The following PLCH2 variants were observed in gnomAD, a reference collection of about 807,000 sequenced individuals.
PLCH2 encodes 1-phosphatidylinositol 4,5-bisphosphate phosphodiesterase eta-2.
PLCH2 carries 98 observed loss-of-function variants against 134.7 expected under a neutral mutation model. The ratio of observed to expected loss-of-function variants is 0.73; its 90% CI spans 0.62 to 0.86. The LOEUF is 0.86. PLCH2 is among the 40% of genes least tolerant of loss of function. PLCH2 has a pLI of 0.00. For missense variants in PLCH2, 1,994 were observed against 1,986.6 expected, an observed-to-expected ratio of 1.00 and a Z score of -0.07; for synonymous variants, 974 against 827.5, an observed-to-expected ratio of 1.18 and a Z score of -3.04.
intron 1 of PLCH2, among the ~76,000 whole-genome samples, chr1:2,478,042 C>T (rs1454371539): frequency 6.6e-6 from 1 of 152,256 alleles, no homozygotes; most frequent in Non-Finnish European, 1.5e-5. Context: ...TGTCTTGCCT[C>T]GTGCCCGGCC....
Position 2,459,518 on chromosome 1 carries a change from TTCC to T in PLCH2, c.116-18956_116-18954del, listed in dbSNP as rs1640690068. On this transcript the variant is annotated intron_variant, in intron 2 of 3. Transcript: ENST00000609981. ...TGGTCCTCCTTCCTGGTGGTCCTCC[TTCC>T]TGGTGGTCCTCCTTCCTGGTGGTCC... 2.4e-5 allele frequency among the ~76,000 whole-genome samples: 3 copies of T among 127,382 alleles called. 1 individual carries two copies. The highest frequency in any genetic ancestry group is 1.6e-4 in the Admixed American group (2 of 12,522). 83.6% of individuals were successfully genotyped at this position (127,382 alleles called of 152,430 possible). A position where few individuals can be genotyped will look rare whatever the true frequency, so the allele number is the denominator to read the frequency against.
rs754643877 is a variant in PLCH2, at chr1:2,496,932, C to T, written c.2038C>T (p.Arg680Cys). Residue 680 changes from arginine to cysteine, a missense_variant, in exon 15 of 22, where the codon CGC becomes TGC. Physicochemically the swap from Arg to Cys is radical, Grantham distance 180. Around this residue, in one of 2 missense-constraint regions of PLCH2, gnomAD observed 1,094 missense variants for 1,234.3 expected, o/e 0.89. Transcript: ENST00000378486. ...YLRFNQQQLS[R>C]IYPSSYRVDS... ...ACGCTTCAACCAGCAGCAGCTCTCC[C>T]GCATCTACCCCTCCTCCTACCGTGT... is the stretch of plus-strand genomic sequence containing the variant. 7.4e-6 allele frequency: 12 copies of T among 1,613,346 alleles called. No individual in the cohort carries two copies. Among genetic ancestry groups the T allele is most frequent in the South Asian group, 2.2e-5 (2 of 91,086 alleles).
At chr1:2,442,430 C>G (rs1027633140) in intron 2 of PLCH2, among the ~76,000 whole-genome samples, 1 of 152,208 alleles carries the variant, frequency 6.6e-6, no homozygotes, top group Admixed American at 6.5e-5. Context: ...CCCACGCACC[C>G]CTACCCCACC....
intron 4 of PLCH2, among the ~76,000 whole-genome samples, chr1:2,481,132 C>T (rs937194634): frequency 2.0e-5 from 3 of 152,198 alleles, no homozygotes; most frequent in African/African-American, 7.2e-5. Flanking sequence ...AGCCTGACAG[C>T]TCCGCCGTGT....
intron 20 of PLCH2, chr1:2,500,085 CT>C: frequency 3.0e-6 from 1 of 328,548 alleles, no homozygotes; most frequent in South Asian, 4.7e-5. Flanking sequence ...AGTGATGCCC[CT>C]CTCCCCTCTA....
intron 21 of PLCH2, chr1:2,502,777 G>C (rs557449368): frequency 1.4e-6 from 1 of 716,884 alleles, no homozygotes; most frequent in African/African-American, 1.7e-5. Context: ...CAGACAGCCC[G>C]GGCATCCCCG....
chr1:2,458,779 C>T (rs1389958562), intron 2 of PLCH2, among the ~76,000 whole-genome samples: 3 of 152,338 alleles, frequency 2.0e-5, no homozygotes, highest in East Asian at 1.9e-4. Flanking sequence ...GGGATGATCT[C>T]GAGGCCACGT....
At chr1:2,452,047 A>T (rs1640260161) in intron 2 of PLCH2, among the ~76,000 whole-genome samples, 1 of 151,978 alleles carries the variant, frequency 6.6e-6, no homozygotes, top group Non-Finnish European at 1.5e-5. Context: ...CTGGGCCCCG[A>T]GCTTTGGCAG....
upstream of PLCH2, among the ~76,000 whole-genome samples, chr1:2,465,725 C>T (rs1476898803): frequency 6.6e-6 from 1 of 152,358 alleles, no homozygotes; most frequent in African/African-American, 2.4e-5. Context: ...CGCCTTTAAT[C>T]GCAGGCCGCG....
At position 2,476,542 on chromosome 1, in the gene PLCH2, G is replaced by C. The variant is rs545152264; in HGVS notation, c.-47G>C. On this transcript the variant is annotated 5_prime_UTR_variant, in exon 1 of 22. Transcript: ENST00000378486. The stretch of plus-strand genomic sequence containing the variant: ...CCTGACCTCCGCTGCCCGAAGGCCG[G>C]TGGGCCTCTGTGGCCTCCGTGAAGC... The C allele has an allele frequency of 8.0e-4, 1,161 of 1,444,666 alleles. 13 individuals carry two copies. Among genetic ancestry groups the C allele is most frequent in the Non-Finnish European group, 1.3e-4 (145 of 1,102,898 alleles). The allele number at this position is 1,444,666 out of a possible 1,614,324, so 89.5% of individuals were successfully genotyped here.
At chr1:2,425,537 A>T (rs1477787312), upstream of PLCH2, among the ~76,000 whole-genome samples, 2 of 152,208 alleles carry the variant, frequency 1.3e-5, no homozygotes, top group African/African-American at 4.8e-5. Context: ...GGCTTTAGAC[A>T]GGGTCTGCCT....
In PLCH2 at chr1:2,497,052, C is replaced by T. The variant is rs368923123; in HGVS notation, c.2116+42C>T. 79 of 1,576,534 alleles carry T rather than the reference C, an allele frequency of 5.0e-5. No homozygotes were observed. In the Middle Eastern group the frequency reaches 5.0e-4, roughly 10 times the overall value. ...TGCGCTGGGTGTGGTGGGGAGGGCT[C>T]GGCTCAGACGGTCCCTGAAGCCCAA... On this transcript the variant is annotated intron_variant, in intron 15 of 21. Coordinates refer to ENST00000378486, the MANE Select transcript of PLCH2 (RefSeq NM_014638.4).
chr1:2,445,757 G>T (rs1173013878), intron 2 of PLCH2, among the ~76,000 whole-genome samples: 1 of 152,192 alleles, frequency 6.6e-6, no homozygotes, highest in Admixed American at 6.5e-5. Flanking sequence ...TGGAGTTCAG[G>T]TGACATAATC....
At chr1:2,495,619 G>A (rs1013575845) in intron 13 of PLCH2, 49 bp downstream of exon 13, 5 of 1,343,270 alleles carry the variant, frequency 3.7e-6, no homozygotes, top group Non-Finnish European at 5.1e-6. Flanking sequence ...TGGGAGCCTG[G>A]CCCAACCGGG....
intron 11 of PLCH2, 128 bp downstream of exon 11, chr1:2,491,463 C>G (rs1642578238): frequency 3.2e-6 from 3 of 946,026 alleles, no homozygotes; most frequent in Non-Finnish European, 4.8e-6. Context: ...AATCTGCACA[C>G]AAGCATACCT....
chr1:2,484,322 CAGTGGAGTAGAGGAGGGTGGGCTTGCA>C (rs1397124172), intron 4 of PLCH2, 99 bp from the exon 5 acceptor site: 1 of 869,720 alleles, frequency 1.1e-6, no homozygotes, highest in Non-Finnish European at 1.8e-6. Flanking sequence ...GTGACAAGGG[CAGTGGAGTAGAGGAGGGTGGGCTTGCA>C]TGTTGGTCTT....
rs72644624 is a variant in PLCH2, at chr1:2,449,725, A to G, written c.115+19096A>G. Among the ~76,000 whole-genome samples, 1,520 of 152,284 alleles carry G rather than the reference A, an allele frequency of 1.0e-2. 16 individuals carry two copies. Among genetic ancestry groups the G allele is most frequent in the East Asian group, 0.042 (216 of 5,172 alleles). ...ATCTGCAACTGTGTGGCCTTGGGCAATGGACTCACTGCTGAGATGAGCCAG... is the reference window on the plus strand; with the variant it reads ...ATCTGCAACTGTGTGGCCTTGGGCAGTGGACTCACTGCTGAGATGAGCCAG... On this transcript the variant is annotated intron_variant, in intron 2 of 3. Coordinates refer to the PLCH2 transcript ENST00000609981.
chr1:2,480,235 A>G lies in PLCH2; in HGVS notation c.568A>G (p.Ser190Gly). 1 of 1,612,810 alleles carries G rather than the reference A, an allele frequency of 6.2e-7. No homozygotes were observed. The part of the protein sequence containing the change: ...EADKNGDGSL[S>G]IGEVLQLLHK... ...CGACAAGAACGGGGATGGCAGCCTG[A>G]GCATTGGCGAGGTCCTGCAGCTGCT... is the stretch of plus-strand genomic sequence containing the variant. Residue 190 changes from serine to glycine, a missense_variant, in exon 4 of 22, where the codon AGC becomes GGC. Transcript: ENST00000378486.
At chr1:2,423,048 C>T (rs1318027321), upstream of PLCH2, among the ~76,000 whole-genome samples, 1 of 152,202 alleles carries the variant, frequency 6.6e-6, no homozygotes, top group Non-Finnish European at 1.5e-5. Flanking sequence ...CTGATAGACT[C>T]ACAGTGATGA....
Sources: gnomAD v4.1 joint callset for allele counts (sites outside exome capture counted in the v4.1 genomes callset) on GRCh38, gnomAD v4.1.1 for gene constraint, gnomAD v4.1.1 regional missense constraint, MANE v1.5 for transcripts, NCBI Gene and HGNC (gene_info 2026-07-23, HGNC 2026-07-21) for gene names.